The following PCDH15 variants were observed in gnomAD, a reference collection of about 807,000 sequenced individuals.
The protein encoded by PCDH15 is protocadherin related 15, also known as protocadherin-15.
In PCDH15, 129 loss-of-function variants were observed where a neutral mutation model predicts 178.5. That is an observed-to-expected ratio of 0.72 (90% confidence interval 0.63 to 0.84). PCDH15 has a LOEUF of 0.84. PCDH15 is among the 40% of genes least tolerant of loss of function. The probability of loss-of-function intolerance (pLI) is 0.00; values close to 1 mark genes in which losing one functional copy is unlikely to be tolerated. For synonymous variants in PCDH15, 800 were observed against 732.0 expected (o/e 1.09, Z -1.50); for missense variants, 2,230 against 2,099.9 (o/e 1.06, Z -1.21).
intron 15 of PCDH15, among the ~76,000 whole-genome samples, chr10:54,091,135 T>C (rs548677902): frequency 4.6e-4 from 70 of 152,290 alleles, no homozygotes; most frequent in African/African-American, 1.6e-3. Flanking sequence ...AATCAGTTCT[T>C]TTTCCAGTGA....
chr10:53,811,494 C>T, intron 36 of PCDH15, 55 bp downstream of exon 36: 1 of 1,028,596 alleles, frequency 9.7e-7, no homozygotes, highest in Non-Finnish European at 1.4e-6. Flanking sequence ...TTAATAATTT[C>T]CTATTAATAA....
At chr10:55,538,578 TTTCCTTCC>T (rs368432762) in intron 2 of PCDH15, among the ~76,000 whole-genome samples, 1 of 46,192 alleles carries the variant, frequency 2.2e-5, no homozygotes, top group Non-Finnish European at 4.1e-5. Context: ...TCCTTCCTCC[TTTCCTTCC>T]TTCCTTCCTT....
At chr10:54,629,860 G>A (rs1293223371) in intron 2 of PCDH15, among the ~76,000 whole-genome samples, 2 of 152,034 alleles carry the variant, frequency 1.3e-5, no homozygotes, top group East Asian at 1.9e-4. Flanking sequence ...TCTTTGAAAA[G>A]GCCCCTAGAA....
chr10:54,759,608 C>G (rs539772803), intron 1 of PCDH15, among the ~76,000 whole-genome samples: 28 of 152,214 alleles, frequency 1.8e-4, no homozygotes, highest in Non-Finnish European at 3.7e-4. Flanking sequence ...AGAATTGGGG[C>G]ATTATTTGTC....
chr10:55,094,484 A>G (rs1165381585), intron 2 of PCDH15, among the ~76,000 whole-genome samples: 1 of 152,086 alleles, frequency 6.6e-6, no homozygotes, highest in Non-Finnish European at 1.5e-5. Flanking sequence ...TGGCACATGT[A>G]CATATATGTA....
intron 22 of PCDH15, among the ~76,000 whole-genome samples, 155 bp downstream of exon 22, chr10:53,961,597 A>G (rs1045236292): frequency 6.6e-6 from 1 of 152,118 alleles, no homozygotes; most frequent in Non-Finnish European, 1.5e-5. Flanking sequence ...TCTTTTTACT[A>G]TTTTTGTAAG....
chr10:53,817,499 G>GTTTTTTTTTTCTTTTTC (rs753575168), intron 34 of PCDH15, among the ~76,000 whole-genome samples: 3 of 130,966 alleles, frequency 2.3e-5, no homozygotes, highest in Admixed American at 7.6e-5. Flanking sequence ...TATATTCTTT[G>GTTTTTTTTTTCTTTTTC]TTTTTTTTTT....
chr10:55,394,359 T>C (rs890254760), intron 2 of PCDH15, among the ~76,000 whole-genome samples: 11 of 151,982 alleles, frequency 7.2e-5, no homozygotes, highest in Non-Finnish European at 1.5e-5. Context: ...CTGAAGTCTA[T>C]TTGAAAGCAA....
intron 3 of PCDH15, among the ~76,000 whole-genome samples, chr10:54,407,487 T>C (rs1315793172): frequency 6.6e-6 from 1 of 152,102 alleles, no homozygotes; most frequent in South Asian, 2.1e-4. Flanking sequence ...CAGGATAGTT[T>C]GTTATGGCAT....
At chr10:54,454,404 C>G (rs374237978) in intron 3 of PCDH15, among the ~76,000 whole-genome samples, 2 of 147,664 alleles carry the variant, frequency 1.4e-5, no homozygotes, top group African/African-American at 2.5e-5. Context: ...TAGTATTCAA[C>G]TGATGTTTAA....
intron 3 of PCDH15, among the ~76,000 whole-genome samples, chr10:54,419,134 A>G (rs1954868572): frequency 7.0e-6 from 1 of 143,190 alleles, no homozygotes; most frequent in Non-Finnish European, 1.5e-5. Context: ...CACTTATAAT[A>G]TATTGTTAGA....
chr10:54,344,904 C>CAAAAAAAAAAAAAAAAA (rs57295345), intron 6 of PCDH15, among the ~76,000 whole-genome samples: 6 of 78,886 alleles, frequency 7.6e-5, no homozygotes, highest in East Asian at 7.1e-4. Context: ...AGAAACAAAG[C>CAAAAAAAAAAAAAAAAA]AAAAAAAAAA....
chr10:54,197,483 T>G (rs2049793599), intron 10 of PCDH15, among the ~76,000 whole-genome samples: 1 of 152,112 alleles, frequency 6.6e-6, no homozygotes, highest in Admixed American at 6.6e-5. Context: ...TATCTTTAAT[T>G]TTTGTTATGT....
Position 53,804,961 on chromosome 10 carries a change from G to A in PCDH15, c.*1618C>T, listed in dbSNP as rs964730706. 3 of 151,682 alleles carry A rather than the reference G, an allele frequency of 2.0e-5. No individual in the cohort carries two copies. Among genetic ancestry groups the A allele is most frequent in the African/African-American group, 4.8e-5 (2 of 41,330 alleles). 9.4% of individuals were successfully genotyped at this position (151,682 alleles called of 1,614,324 possible). On this transcript the variant is annotated 3_prime_UTR_variant, in exon 38 of 38. Coordinates refer to ENST00000644397, the MANE Select transcript of PCDH15 (RefSeq NM_001384140.1). ...TTGTTTTGTTTTGTTTTTTTGGCAA[G>A]GGTATGGAATGCATTAATTCTCAAT...
In PCDH15 at chr10:54,174,702, C is replaced by CTTTTTTTTTTTTTTTTTT. The variant is rs1169302544; in HGVS notation, c.1590+8724_1590+8741dup. Reference sequence around the variant, plus strand: ...CTTCTTTCTTTTTTCTTTTTCTTTTCTTTTTTTTTTTTTTTTTTTTTGAGA... The same window carrying CTTTTTTTTTTTTTTTTTT: ...CTTCTTTCTTTTTTCTTTTTCTTTTCTTTTTTTTTTTTTTTTTTTTTTTTTTTTTTTTTTTTTTTGAGA... On this transcript the variant is annotated intron_variant, in intron 13 of 37. Transcript: ENST00000644397. Among the ~76,000 whole-genome samples the CTTTTTTTTTTTTTTTTTT allele has an allele frequency of 1.1e-3, 91 of 84,036 alleles. 1 individual carries two copies. Among genetic ancestry groups the CTTTTTTTTTTTTTTTTTT allele is most frequent in the East Asian group, 3.0e-3 (10 of 3,366 alleles). The allele number at this position is 84,036 out of a possible 152,430, so 55.1% of individuals were successfully genotyped here. A position where few individuals can be genotyped will look rare whatever the true frequency, so the allele number is the denominator to read the frequency against.
At chr10:53,985,541 G>A (rs778609190) in intron 21 of PCDH15, among the ~76,000 whole-genome samples, 2 of 152,126 alleles carry the variant, frequency 1.3e-5, no homozygotes, top group Non-Finnish European at 2.9e-5. Context: ...CAGGTGTGAA[G>A]CCAAACAAGC....
At chr10:54,117,360 T>C (rs548127538) in intron 15 of PCDH15, among the ~76,000 whole-genome samples, 1 of 152,102 alleles carries the variant, frequency 6.6e-6, no homozygotes, top group South Asian at 2.1e-4. Context: ...TTGTGGAAGC[T>C]TGGAGATGCC....
chr10:54,977,893 A>G (rs982785863), intron 2 of PCDH15, among the ~76,000 whole-genome samples: 9 of 152,204 alleles, frequency 5.9e-5, no homozygotes, highest in African/African-American at 1.7e-4. Context: ...CATATAGCAC[A>G]TGTTAACTAA....
At chr10:54,703,317 G>A (rs568357886) in intron 1 of PCDH15, among the ~76,000 whole-genome samples, 1 of 151,868 alleles carries the variant, frequency 6.6e-6, no homozygotes, top group African/African-American at 2.4e-5. Context: ...GAGAACCAGA[G>A]GAAGAAAAGA....
Sources: allele counts gnomAD v4.1 joint callset (sites outside exome capture counted in the v4.1 genomes callset), GRCh38; gene constraint gnomAD v4.1.1; transcripts MANE v1.5; gene names NCBI Gene and HGNC (gene_info 2026-07-23, HGNC 2026-07-21).